The following DIAPH1 variants were observed in gnomAD, a reference collection of about 807,000 sequenced individuals.
DIAPH1 encodes the protein diaphanous related formin 1.
DIAPH1 carries 46 observed loss-of-function variants against 140.7 expected under a neutral mutation model. That is an observed-to-expected ratio of 0.33 (90% CI 0.26 to 0.42). The LOEUF is 0.42. DIAPH1 is among the 10% of genes least tolerant of loss of function. DIAPH1 has a pLI of 1.00. For synonymous variants in DIAPH1, 565 were observed against 551.6 expected (o/e 1.02, Z -0.34); for missense variants, 1,310 against 1,558.7 (o/e 0.84, Z 2.69).
chr5:141,555,262 AC>A (rs1411473516), intron 18 of DIAPH1, among the ~76,000 whole-genome samples: 1 of 152,216 alleles, frequency 6.6e-6, no homozygotes, highest in Non-Finnish European at 1.5e-5. Flanking sequence ...AATTTTAAAA[AC>A]TGTCACCAAA....
At chr5:141,593,109 C>T (rs1458223011) in intron 1 of DIAPH1, among the ~76,000 whole-genome samples, 1 of 152,130 alleles carries the variant, frequency 6.6e-6, no homozygotes, top group Non-Finnish European at 1.5e-5. Context: ...CCGGAAAGAG[C>T]AATAACCAAC....
At chr5:141,591,661 G>A (rs1002593255) in intron 1 of DIAPH1, among the ~76,000 whole-genome samples, 12 of 125,010 alleles carry the variant, frequency 9.6e-5, no homozygotes, top group Non-Finnish European at 2.0e-4. Context: ...ACTAACTCTC[G>A]CCTTTAGATG....
At chr5:141,560,889 T>C (rs1457711637) in intron 18 of DIAPH1, 3 of 453,580 alleles carry the variant, frequency 6.6e-6, no homozygotes, top group South Asian at 1.6e-5. Context: ...GCTGTTTTTT[T>C]CCCTTCTTTG....
At chr5:141,607,171 G>C (rs911599411) in intron 1 of DIAPH1, among the ~76,000 whole-genome samples, 3 of 152,012 alleles carry the variant, frequency 2.0e-5, no homozygotes. Flanking sequence ...AAGAAAGACA[G>C]AAGAATACTT....
chr5:141,599,302 C>T (rs1441388061), intron 1 of DIAPH1, among the ~76,000 whole-genome samples: 1 of 152,162 alleles, frequency 6.6e-6, no homozygotes, highest in Non-Finnish European at 1.5e-5. Flanking sequence ...ATGTGGCCAG[C>T]ACACGGGAAA....
rs116056217 is a variant in DIAPH1 at position 141,615,946 on chromosome 5, T to C, written c.117+2852A>G. Among the ~76,000 whole-genome samples, 306 of 152,314 alleles carry C rather than the reference T, an allele frequency of 2.0e-3. 1 individual carries two copies. The highest frequency in any genetic ancestry group is 7.2e-3 in the African/African-American group (298 of 41,568). ...GAAATCAGTCTATTTGACACCCACATTGATCACTGCTGAAAAGTCAGAAAA... is the reference window on the plus strand; with the variant it reads ...GAAATCAGTCTATTTGACACCCACACTGATCACTGCTGAAAAGTCAGAAAA... On this transcript the variant is annotated intron_variant, in intron 1 of 27. Coordinates refer to ENST00000389054, the MANE Select transcript of DIAPH1 (RefSeq NM_005219.5).
At chr5:141,609,907 C>G (rs979348676) in intron 1 of DIAPH1, among the ~76,000 whole-genome samples, 3 of 152,172 alleles carry the variant, frequency 2.0e-5, no homozygotes, top group African/African-American at 7.2e-5. Context: ...CTGTTGACCA[C>G]AGGTGACAAT....
chr5:141,525,946 A>G, intron 26 of DIAPH1, 92 bp downstream of exon 26: 4 of 1,596,332 alleles, frequency 2.5e-6, no homozygotes, highest in South Asian at 2.2e-5. Flanking sequence ...CCAGGAGGTG[A>G]GCTCAGACAT....
At chr5:141,545,126 T>C (rs957946890) in intron 18 of DIAPH1, among the ~76,000 whole-genome samples, 2 of 152,096 alleles carry the variant, frequency 1.3e-5, no homozygotes, top group African/African-American at 4.8e-5. Context: ...TGTCAGAAAA[T>C]AGATCAGTGG....
chr5:141,586,955 G>A (rs1280971465), intron 3 of DIAPH1, 87 bp downstream of exon 3: 16 of 1,369,588 alleles, frequency 1.2e-5, no homozygotes, highest in Admixed American at 5.0e-5. Context: ...TGTAATAAAG[G>A]GCTAGTTGGG....
Position 141,566,216 on chromosome 5 carries a change from C to T in DIAPH1, c.2482+5212G>A, listed in dbSNP as rs564562564. ...GGTGGTATGACATGAGATCCTAGAA[C>T]GGGGGAATGGTTGAGGTAGGATAGA... On this transcript the variant is annotated intron_variant, in intron 18 of 27. Transcript: ENST00000389054. 6.6e-5 allele frequency among the ~76,000 whole-genome samples: 10 copies of T among 151,996 alleles called. No individual in the cohort carries two copies. In the East Asian group the frequency reaches 9.6e-4, roughly 15 times the overall value.
chr5:141,554,708 A>C (rs2099892296), intron 18 of DIAPH1, among the ~76,000 whole-genome samples: 1 of 152,228 alleles, frequency 6.6e-6, no homozygotes, highest in South Asian at 2.1e-4. Flanking sequence ...GATCACATTC[A>C]AGTTAGATTT....
chr5:141,586,891 T>A (rs2099897635), intron 3 of DIAPH1, 151 bp downstream of exon 3: 3 of 785,040 alleles, frequency 3.8e-6, no homozygotes, highest in Non-Finnish European at 6.5e-6. Context: ...TAGTCCCTAA[T>A]TATGGGATTA....
At chr5:141,584,398 A>C (rs1016314599) in intron 3 of DIAPH1, among the ~76,000 whole-genome samples, 173 bp from the exon 4 acceptor site, 12 of 152,224 alleles carry the variant, frequency 7.9e-5, no homozygotes, top group Admixed American at 4.6e-4. Flanking sequence ...AATTCCTCAA[A>C]GATAAGTATA....
At chr5:141,538,093 C>T (rs910498074) in intron 18 of DIAPH1, among the ~76,000 whole-genome samples, 3 of 149,568 alleles carry the variant, frequency 2.0e-5, no homozygotes, top group Admixed American at 6.6e-5. Flanking sequence ...CAGAGTCTCG[C>T]TCTGTCACCC....
intron 18 of DIAPH1, among the ~76,000 whole-genome samples, chr5:141,552,247 T>C (rs1434898794): frequency 1.3e-5 from 2 of 151,844 alleles, no homozygotes; most frequent in Non-Finnish European, 2.9e-5. Flanking sequence ...TGGAGAACAG[T>C]GGTGCAATCA....
intron 1 of DIAPH1, among the ~76,000 whole-genome samples, chr5:141,591,727 T>TATATATATATATATATATATATATATA (rs2099898496): frequency 7.3e-6 from 1 of 137,102 alleles, no homozygotes; most frequent in Non-Finnish European, 1.6e-5. Context: ...TATATATATA[T>TATATATATATATATATATATATATATA]GAAGGAAGAT....
chr5:141,545,055 A>T (rs2099890584), intron 18 of DIAPH1, among the ~76,000 whole-genome samples: 1 of 152,228 alleles, frequency 6.6e-6, no homozygotes, highest in Non-Finnish European at 1.5e-5. Flanking sequence ...CAAAGAATCC[A>T]GACTGAAAAG....
At position 141,516,991 on chromosome 5, in the gene DIAPH1, A is replaced by G. The variant is rs1466328561; in HGVS notation, c.3679T>C (p.Cys1227Arg). 1 of 1,614,172 alleles carries G rather than the reference A, an allele frequency of 6.2e-7. No homozygotes were observed. Among genetic ancestry groups the G allele is most frequent in the African/African-American group, 1.3e-5 (1 of 75,058 alleles). The change falls in exon 28 of 28, where the codon TGT becomes CGT. Residue 1227 changes from cysteine (C) to arginine (R), a missense_variant. Around this residue, in one of 3 missense-constraint regions of DIAPH1, gnomAD observed 344 missense variants for 512.2 expected, o/e 0.67. Coordinates refer to ENST00000389054, the MANE Select transcript of DIAPH1 (RefSeq NM_005219.5). The stretch of plus-strand genomic sequence containing the variant: ...GAAGCTAGCAGAGATGTGACTGCAC[A>G]CCCGGCCTTCCTGTTGGCTGCAAGA... ...GPRQANRKAG[C>R]AVTSLLASEL...
Sources: gnomAD v4.1 joint callset for allele counts (sites outside exome capture counted in the v4.1 genomes callset) on GRCh38, gnomAD v4.1.1 for gene constraint, gnomAD v4.1.1 regional missense constraint, MANE v1.5 for transcripts, NCBI Gene and HGNC (gene_info 2026-07-23, HGNC 2026-07-21) for gene names.